Variants in HDC observed in about 807,000 individuals in gnomAD.
HDC encodes histidine decarboxylase.
A neutral mutation model predicts 64.4 loss-of-function variants in HDC; 27 were observed. That is an observed-to-expected ratio of 0.42 (90% confidence interval 0.31 to 0.58). The LOEUF is 0.58. HDC is among the 20% of genes least tolerant of loss of function. The probability of loss-of-function intolerance (pLI) is 0.16; values close to 1 mark genes in which losing one functional copy is unlikely to be tolerated. For missense variants in HDC, 711 were observed against 833.9 expected (o/e 0.85, Z 1.81); for synonymous variants, 305 against 314.2 (o/e 0.97, Z 0.31).
intron 1 of HDC, 106 bp from the exon 2 acceptor site, chr15:50,263,513 T>C (rs854160): frequency 0.57 from 637,341 of 1,116,686 alleles, 185,412 homozygotes; most frequent in Middle Eastern, 0.63. Context: ...AAGAAGGAGA[T>C]GGATTTGGCC....
chr15:50,263,382 G>C lies in HDC; in HGVS notation c.57C>G (p.Cys19Trp). Residue 19 changes from cysteine to tryptophan, a missense_variant, in exon 2 of 12, where the codon TGC (cysteine) becomes TGG (tryptophan). Transcript: ENST00000267845. ...ERGREMVDYI[C>W]QYLSTVRERR... ...TCTCCCGCACAGTGCTCAGGTACTGGCAGATGTAATCCACCATCTCTCTCC... is the reference window on the plus strand; with the variant it reads ...TCTCCCGCACAGTGCTCAGGTACTGCCAGATGTAATCCACCATCTCTCTCC... 1 of 1,614,164 alleles carries C rather than the reference G, an allele frequency of 6.2e-7. No homozygotes were observed. Among genetic ancestry groups the C allele is most frequent in the Non-Finnish European group, 8.5e-7 (1 of 1,179,996 alleles).
At chr15:50,264,729 A>G (rs1237889243) in intron 1 of HDC, among the ~76,000 whole-genome samples, 1 of 152,060 alleles carries the variant, frequency 6.6e-6, no homozygotes, top group Non-Finnish European at 1.5e-5. Context: ...AACAGAACCA[A>G]CCCCAGACAA....
At chr15:50,264,044 C>G (rs1289713253) in intron 1 of HDC, among the ~76,000 whole-genome samples, 1 of 152,140 alleles carries the variant, frequency 6.6e-6, no homozygotes, top group Non-Finnish European at 1.5e-5. Context: ...AACAGAACAT[C>G]TATTAACTAT....
chr15:50,244,161 T>C (rs538405183), intron 10 of HDC, among the ~76,000 whole-genome samples: 12 of 152,314 alleles, frequency 7.9e-5, no homozygotes, highest in Admixed American at 4.6e-4. Context: ...CCTTCTCTTT[T>C]CTTTTTAAAA....
intron 4 of HDC, 28 bp from the exon 5 acceptor site, chr15:50,254,692 G>A (rs1192060955): frequency 6.2e-7 from 1 of 1,612,846 alleles, no homozygotes; most frequent in African/African-American, 1.3e-5. Context: ...TATCATGGCA[G>A]CCTTTCTGTA....
intron 2 of HDC, 55 bp downstream of exon 2, chr15:50,263,180 C>T: frequency 1.3e-6 from 2 of 1,577,202 alleles, no homozygotes; most frequent in East Asian, 2.2e-5. Flanking sequence ...CAGGCCACCA[C>T]CCACCCTTCT....
intron 2 of HDC, among the ~76,000 whole-genome samples, chr15:50,259,022 CG>C (rs1187128508): frequency 2.6e-5 from 4 of 151,900 alleles, no homozygotes; most frequent in African/African-American, 9.7e-5. Flanking sequence ...ATTAGCCAGG[CG>C]GGGTGGCAGA....
intron 3 of HDC, 56 bp from the exon 4 acceptor site, chr15:50,257,603 C>T: frequency 6.3e-7 from 1 of 1,599,060 alleles, no homozygotes; most frequent in Non-Finnish European, 8.6e-7. Flanking sequence ...GAGGTGCCCC[C>T]ACGAGCTCCA....
chr15:50,260,195 G>A (rs563488366), intron 2 of HDC, among the ~76,000 whole-genome samples: 42 of 151,858 alleles, frequency 2.8e-4, no homozygotes, highest in African/African-American at 1.0e-3. Flanking sequence ...CTAATTTTTT[G>A]TATTTTTAAT....
rs534462788 is a variant in HDC, at chr15:50,242,776, G to A, written c.1473C>T (p.Ile491=). 1.9e-6 allele frequency: 3 copies of A among 1,614,048 alleles called. No homozygotes were observed. The highest frequency in any genetic ancestry group is 2.7e-5 in the African/African-American group (2 of 75,046). The stretch of plus-strand genomic sequence containing the variant: ...AGGCTCTGGCACCCCTGATTTGGGA[G>A]ATGAGGTTCCCAACCCGAGGGCTGG... ...SQPSPRVGNL[I]SQIRGARAWA... is the part of the protein sequence containing the mutation. The change falls in exon 12 of 12, where the codon ATC becomes ATT. Residue 491 remains isoleucine, a synonymous_variant. Transcript: ENST00000267845.
rs745870120 is a variant in HDC, at chr15:50,243,197, A to G, written c.1188T>C (p.Pro396=). 5.6e-6 allele frequency: 9 copies of G among 1,614,026 alleles called. No individual in the cohort carries two copies. Among genetic ancestry groups the G allele is most frequent in the East Asian group, 2.2e-5 (1 of 44,886 alleles). ...GCCTCTTGGCAGGAATTTCAAAGGA[A>G]GGGTCGTTTCTGACCAGAGATTCAA... ...KYFESLVRND[P]SFEIPAKRHL... Residue 396 remains proline, a synonymous_variant, in exon 11 of 12, where the codon CCT becomes CCC. Coordinates refer to ENST00000267845, the MANE Select transcript of HDC (RefSeq NM_002112.4).
At chr15:50,251,463 C>T (rs2140931784) in intron 9 of HDC, among the ~76,000 whole-genome samples, 1 of 152,308 alleles carries the variant, frequency 6.6e-6, no homozygotes, top group Non-Finnish European at 1.5e-5. Context: ...CAGTTAGTTT[C>T]CCAAAGGGCC....
chr15:50,252,370 AC>A, intron 9 of HDC, 59 bp downstream of exon 9: 1 of 1,346,456 alleles, frequency 7.4e-7, no homozygotes, highest in Non-Finnish European at 1.1e-6. Flanking sequence ...GGGGGGTCAG[AC>A]GCCTACAGTT....
chr15:50,245,470 GGAA>G (rs2045469308), intron 10 of HDC, among the ~76,000 whole-genome samples: 1 of 152,066 alleles, frequency 6.6e-6, no homozygotes, highest in East Asian at 1.9e-4. Context: ...ATGAAGAAGG[GGAA>G]GAAGAGAAGA....
chr15:50,263,090 G>C, intron 2 of HDC, 145 bp downstream of exon 2: 2 of 826,830 alleles, frequency 2.4e-6, no homozygotes, highest in East Asian at 2.4e-5. Flanking sequence ...CACATGCCTA[G>C]CAGATGGGCT....
Position 50,243,217 on chromosome 15 carries a change from A to G in HDC, c.1168T>C (p.Ser390Pro). The change falls in exon 11 of 12, where the codon TCT becomes CCT. Residue 390 changes from serine to proline, a missense_variant. Ser to Pro is a moderately conservative substitution (Grantham distance 74, BLOSUM62 -1). This residue lies in a region of HDC where 483 missense variants were observed against 540.9 expected (regional missense o/e 0.89). Coordinates refer to ENST00000267845, the MANE Select transcript of HDC (RefSeq NM_002112.4). ...AAGGAAGGGTCGTTTCTGACCAGAGATTCAAAATATTTAGCCATTTCAGTA... is the reference window on the plus strand; with the variant it reads ...AAGGAAGGGTCGTTTCTGACCAGAGGTTCAAAATATTTAGCCATTTCAGTA... ...HGTEMAKYFE[S>P]LVRNDPSFEI... is the part of the protein sequence containing the mutation. 1 of 1,613,418 alleles carries G rather than the reference A, an allele frequency of 6.2e-7. No homozygotes were observed. The highest frequency in any genetic ancestry group is 8.5e-7 in the Non-Finnish European group (1 of 1,179,284).
intron 2 of HDC, among the ~76,000 whole-genome samples, chr15:50,262,774 C>T (rs2045720515): frequency 6.6e-6 from 1 of 152,130 alleles, no homozygotes; most frequent in African/African-American, 2.4e-5. Flanking sequence ...ATGTGTTCCC[C>T]ACTTCCTTCC....
intron 10 of HDC, among the ~76,000 whole-genome samples, chr15:50,247,982 C>T (rs1289681153): frequency 6.6e-6 from 1 of 152,192 alleles, no homozygotes; most frequent in Admixed American, 6.5e-5. Context: ...TGGGGCCAAC[C>T]CTCCCCAGTG....
intron 2 of HDC, 77 bp from the exon 3 acceptor site, chr15:50,258,594 GC>G: frequency 1.2e-6 from 1 of 822,574 alleles, no homozygotes; most frequent in Non-Finnish European, 2.1e-6. Context: ...ACCATCTCTG[GC>G]AAGGTGAAGT....
Sources: gnomAD v4.1 joint callset for allele counts (sites outside exome capture counted in the v4.1 genomes callset) on GRCh38, gnomAD v4.1.1 for gene constraint, gnomAD v4.1.1 regional missense constraint, MANE v1.5 for transcripts, NCBI Gene and HGNC (gene_info 2026-07-23, HGNC 2026-07-21) for gene names.